DLC1: variants seen among roughly 807,000 people sequenced by gnomAD.
DLC1 encodes the protein rho GTPase-activating protein 7.
DLC1 carries 54 observed loss-of-function variants against 140.3 expected under a neutral mutation model. The ratio of observed to expected loss-of-function variants is 0.38; its 90% CI spans 0.31 to 0.48. The LOEUF is 0.48. DLC1 is among the 20% of genes least tolerant of loss of function. DLC1 has a pLI of 0.96. For synonymous variants in DLC1, 986 were observed against 728.1 expected, an observed-to-expected ratio of 1.35 and a Z score of -5.70; for missense variants, 2,536 against 1,907.0, an observed-to-expected ratio of 1.33 and a Z score of -6.14.
chr8:13,564,598 G>A (rs969913647), intron 1 of DLC1, among the ~76,000 whole-genome samples: 4 of 152,130 alleles, frequency 2.6e-5, no homozygotes, highest in African/African-American at 7.2e-5. Flanking sequence ...TATGATATCT[G>A]GGGGGAGAAT....
intron 2 of DLC1, among the ~76,000 whole-genome samples, chr8:13,408,729 C>G (rs1409571303): frequency 1.3e-5 from 2 of 152,148 alleles, no homozygotes; most frequent in Non-Finnish European, 2.9e-5. Context: ...ATCAGTCCTG[C>G]TGAGCTGATA....
chr8:13,561,266 C>T (rs1002024270), intron 1 of DLC1, among the ~76,000 whole-genome samples: 7 of 151,970 alleles, frequency 4.6e-5, no homozygotes, highest in Admixed American at 1.3e-4. Flanking sequence ...ACTAGAGGTG[C>T]ACACCTGGCT....
At chr8:13,096,225 C>T (rs1035485790) in intron 10 of DLC1, 1 of 152,128 alleles carries the variant, frequency 6.6e-6, no homozygotes, top group Non-Finnish European at 1.5e-5. Flanking sequence ...AAACACTGAC[C>T]AGAACTCAAG....
chr8:13,512,368 G>T (rs899242263), intron 1 of DLC1, among the ~76,000 whole-genome samples: 2 of 152,106 alleles, frequency 1.3e-5, no homozygotes, highest in Non-Finnish European at 2.9e-5. Context: ...AACAAATATT[G>T]TCATATATGA....
At chr8:13,299,815 A>G (rs1399510283) in intron 5 of DLC1, among the ~76,000 whole-genome samples, 1 of 152,148 alleles carries the variant, frequency 6.6e-6, no homozygotes, top group African/African-American at 2.4e-5. Context: ...CTTAGTGCAA[A>G]TGGCAGCCTA....
At position 13,090,228 on chromosome 8, in the gene DLC1, G is replaced by C. The variant is rs76559627; in HGVS notation, c.4074+24C>G. 357 of 1,605,802 alleles carry C rather than the reference G, an allele frequency of 2.2e-4. 1 individual carries two copies. In the East Asian group the frequency reaches 2.6e-3, roughly 12 times the overall value. On this transcript the variant is annotated intron_variant, in intron 15 of 17. Coordinates refer to ENST00000276297, the MANE Select transcript of DLC1 (RefSeq NM_182643.3). ...AAGCTTCGACTCCTGGACTCAACTA[G>C]CCGACAACAGGGTGAAGCCTTACCT...
intron 2 of DLC1, among the ~76,000 whole-genome samples, chr8:13,403,067 C>G (rs913304424): frequency 6.6e-5 from 10 of 152,156 alleles, no homozygotes; most frequent in African/African-American, 2.4e-4. Context: ...CAAATTGAAA[C>G]AGCTAGCCCT....
At chr8:13,478,660 G>C (rs1056924587) in intron 2 of DLC1, among the ~76,000 whole-genome samples, 2 of 152,126 alleles carry the variant, frequency 1.3e-5, no homozygotes, top group African/African-American at 4.8e-5. Flanking sequence ...CGCTAGAACT[G>C]TCTCTCCTCA....
intron 1 of DLC1, among the ~76,000 whole-genome samples, chr8:13,573,796 A>G (rs1030144708): frequency 6.6e-6 from 1 of 152,216 alleles, no homozygotes; most frequent in Non-Finnish European, 1.5e-5. Context: ...ATTCAGAATT[A>G]AAGTCAGTAG....
intron 4 of DLC1, among the ~76,000 whole-genome samples, chr8:13,355,931 T>A (rs1366077397): frequency 6.7e-6 from 1 of 150,202 alleles, no homozygotes; most frequent in Non-Finnish European, 1.5e-5. Context: ...AAAAAAAAAA[T>A]TCAAAAAAAT....
chr8:13,457,611 A>G (rs894952110), intron 2 of DLC1, among the ~76,000 whole-genome samples: 1 of 134,834 alleles, frequency 7.4e-6, no homozygotes, highest in Admixed American at 8.6e-5. Flanking sequence ...TGGGAGGCGG[A>G]GCTTGCAGTG....
At position 13,085,681 on chromosome 8, in the gene DLC1, G is replaced by A; in HGVS notation, c.*130C>T. On this transcript the variant is annotated 3_prime_UTR_variant, in exon 18 of 18. Coordinates refer to ENST00000276297, the MANE Select transcript of DLC1 (RefSeq NM_182643.3). The stretch of plus-strand genomic sequence containing the variant: ...TTTAAAAATGTATCAAATTGCTATA[G>A]TCAATTCCTACACTCCAGCTTGTAG... 1 of 1,393,590 alleles carries A rather than the reference G, an allele frequency of 7.2e-7. No individual in the cohort carries two copies. Among genetic ancestry groups the A allele is most frequent in the Non-Finnish European group, 9.7e-7 (1 of 1,035,320 alleles). The allele number at this position is 1,393,590 out of a possible 1,614,324, so 86.3% of individuals were successfully genotyped here. A position where few individuals can be genotyped will look rare whatever the true frequency, so the allele number is the denominator to read the frequency against.
intron 2 of DLC1, among the ~76,000 whole-genome samples, chr8:13,450,702 C>T (rs1268109821): frequency 6.6e-6 from 1 of 151,924 alleles, no homozygotes; most frequent in Non-Finnish European, 1.5e-5. Context: ...GCAAAATTAA[C>T]AGCCATCAAC....
At chr8:13,574,414 A>G (rs934597496) in intron 1 of DLC1, among the ~76,000 whole-genome samples, 4 of 152,126 alleles carry the variant, frequency 2.6e-5, no homozygotes, top group Non-Finnish European at 4.4e-5. Context: ...TTGCCCTTGA[A>G]TATATTCAAA....
chr8:13,462,257 T>A (rs1799700263), intron 2 of DLC1, among the ~76,000 whole-genome samples: 1 of 152,200 alleles, frequency 6.6e-6, no homozygotes, highest in South Asian at 2.1e-4. Flanking sequence ...TTATTTGTCA[T>A]TTTATCCTGT....
At chr8:13,182,087 G>A (rs1186007474) in intron 5 of DLC1, among the ~76,000 whole-genome samples, 1 of 152,162 alleles carries the variant, frequency 6.6e-6, no homozygotes, top group Non-Finnish European at 1.5e-5. Flanking sequence ...CTGATGACCA[G>A]GGATGATGAG....
At chr8:13,291,787 G>T (rs190334487) in intron 5 of DLC1, among the ~76,000 whole-genome samples, 1 of 152,220 alleles carries the variant, frequency 6.6e-6, no homozygotes, top group East Asian at 1.9e-4. Flanking sequence ...ACCCCTAAGG[G>T]TTAAATAATT....
chr8:13,245,214 G>A (rs1829711827), intron 5 of DLC1, among the ~76,000 whole-genome samples: 1 of 152,246 alleles, frequency 6.6e-6, no homozygotes, highest in African/African-American at 2.4e-5. Flanking sequence ...GAGGCCAGGT[G>A]TAGGTGCTCC....
intron 5 of DLC1, among the ~76,000 whole-genome samples, chr8:13,225,369 G>A (rs1454658678): frequency 6.6e-6 from 1 of 152,058 alleles, no homozygotes; most frequent in East Asian, 1.9e-4. Flanking sequence ...GTTCAGGAGT[G>A]GATGTGAACA....
Sources: gnomAD v4.1 joint callset for allele counts (sites outside exome capture counted in the v4.1 genomes callset) on GRCh38, gnomAD v4.1.1 for gene constraint, MANE v1.5 for transcripts, NCBI Gene and HGNC (gene_info 2026-07-23, HGNC 2026-07-21) for gene names.